The following NTM variants were observed in gnomAD, a reference collection of about 807,000 sequenced individuals.
The protein encoded by NTM is IgLON family member 2.
A neutral mutation model predicts 42.1 loss-of-function variants in NTM; 13 were observed. That is an observed-to-expected ratio of 0.31 (90% CI 0.20 to 0.49). The LOEUF is 0.49. Ranked by LOEUF, NTM falls within the 20% of genes least tolerant of loss-of-function variation. The pLI, the probability that NTM is intolerant of heterozygous loss-of-function variation, is 0.99. For synonymous variants in NTM, 187 were observed against 179.2 expected (o/e 1.04, Z -0.35); for missense variants, 373 against 452.8 (o/e 0.82, Z 1.60).
intron 1 of NTM, among the ~76,000 whole-genome samples, chr11:131,499,951 TG>T (rs1304790782): frequency 2.0e-5 from 3 of 152,232 alleles, no homozygotes; most frequent in African/African-American, 7.2e-5. Context: ...AGAAAACCCC[TG>T]GGTGATGTGT....
intron 1 of NTM, among the ~76,000 whole-genome samples, chr11:131,869,640 T>C (rs984555772): frequency 6.6e-6 from 1 of 152,242 alleles, no homozygotes; most frequent in African/African-American, 2.4e-5. Flanking sequence ...AGGAGGATGA[T>C]AGACTTTTAG....
intron 3 of NTM, among the ~76,000 whole-genome samples, chr11:132,161,052 G>T (rs1446168263): frequency 6.6e-6 from 1 of 152,182 alleles, no homozygotes; most frequent in Non-Finnish European, 1.5e-5. Flanking sequence ...TGACAAGAGG[G>T]TATCTGGGAG....
At chr11:131,763,654 C>A (rs1388647423) in intron 1 of NTM, among the ~76,000 whole-genome samples, 2 of 148,064 alleles carry the variant, frequency 1.4e-5, no homozygotes, top group African/African-American at 2.5e-5. Flanking sequence ...CCCCAGGGAT[C>A]CTCATTCCCA....
intron 1 of NTM, among the ~76,000 whole-genome samples, chr11:131,773,299 G>A (rs572251303): frequency 3.9e-5 from 6 of 152,284 alleles, no homozygotes; most frequent in Non-Finnish European, 4.4e-5. Flanking sequence ...TGGAGCCCTC[G>A]TGAACTAATC....
intron 1 of NTM, among the ~76,000 whole-genome samples, chr11:131,691,202 CG>C (rs1056787791): frequency 2.6e-5 from 4 of 152,198 alleles, no homozygotes; most frequent in African/African-American, 4.8e-5. Context: ...GCCTACGGCC[CG>C]TCCCCCCGCA....
chr11:132,016,682 T>C (rs1209725031), intron 2 of NTM, among the ~76,000 whole-genome samples: 1 of 151,976 alleles, frequency 6.6e-6, no homozygotes, highest in African/African-American at 2.4e-5. Context: ...TGCTAGGTCA[T>C]ATATTAAGTT....
chr11:132,134,257 G>A (rs2067334923), intron 2 of NTM, among the ~76,000 whole-genome samples: 1 of 152,070 alleles, frequency 6.6e-6, no homozygotes. Context: ...TTTCTTCCTA[G>A]GGGGAACACC....
At chr11:131,938,914 A>C (rs1048024217) in intron 2 of NTM, among the ~76,000 whole-genome samples, 10 of 152,148 alleles carry the variant, frequency 6.6e-5, no homozygotes, top group African/African-American at 2.4e-4. Context: ...CTGGTGGAGT[A>C]GGTGGGAAGG....
At chr11:132,144,343 G>T (rs2069857220) in intron 2 of NTM, among the ~76,000 whole-genome samples, 1 of 152,150 alleles carries the variant, frequency 6.6e-6, no homozygotes, top group Non-Finnish European at 1.5e-5. Flanking sequence ...ATCCCCAGGG[G>T]GCTCATGTGC....
chr11:131,515,998 C>T (rs116751842), intron 1 of NTM, among the ~76,000 whole-genome samples: 1,668 of 152,288 alleles, frequency 0.011, 8 homozygotes, highest in Middle Eastern at 0.031. Flanking sequence ...AAACAACTTG[C>T]TAAACTTTGT....
intron 1 of NTM, among the ~76,000 whole-genome samples, chr11:131,500,552 T>TACAC (rs1353089886): frequency 4.1e-4 from 28 of 68,598 alleles, no homozygotes; most frequent in Non-Finnish European, 6.0e-4. Context: ...TATATATATA[T>TACAC]ATATATATAT....
chr11:132,086,634 G>A (rs969137266), intron 2 of NTM, among the ~76,000 whole-genome samples: 1 of 152,182 alleles, frequency 6.6e-6, no homozygotes, highest in Non-Finnish European at 1.5e-5. Context: ...AAGCACACCA[G>A]ATTAGCTACA....
intron 2 of NTM, among the ~76,000 whole-genome samples, chr11:132,144,901 C>A (rs2070030911): frequency 6.6e-6 from 1 of 152,306 alleles, no homozygotes; most frequent in East Asian, 1.9e-4. Context: ...CCCTGTGCAC[C>A]TAAGTGATCC....
In NTM at chr11:132,146,402, G is replaced by A. The variant is rs190818488; in HGVS notation, c.288G>A (p.Thr96=). 427 of 1,614,170 alleles carry A rather than the reference G, an allele frequency of 2.6e-4. 2 individuals carry two copies. The Admixed American group carries it at 6.7e-3, about 25-fold the overall frequency. ...PRVVLLSNTQ[T]QYSIEIQNVD... Reference sequence around the variant, plus strand: ...TGGTCCTTCTGAGCAACACCCAAACGCAGTACAGCATCGAGATCCAGAACG... The same window carrying A: ...TGGTCCTTCTGAGCAACACCCAAACACAGTACAGCATCGAGATCCAGAACG... Residue 96 remains threonine (T), a synonymous_variant, in exon 3 of 9, where the codon ACG becomes ACA. Transcript: ENST00000683400. This position sits in a 1 kb window ranked among gnomAD's most constrained non-coding sequence, Gnocchi z 4.5.
At chr11:132,032,970 G>A (rs2076103901) in intron 2 of NTM, among the ~76,000 whole-genome samples, 1 of 152,164 alleles carries the variant, frequency 6.6e-6, no homozygotes, top group Non-Finnish European at 1.5e-5. Context: ...ACATTTTTGA[G>A]CTTGACAGAA....
chr11:132,205,075 A>G (rs1205152181), intron 3 of NTM, among the ~76,000 whole-genome samples: 1 of 152,200 alleles, frequency 6.6e-6, no homozygotes, highest in Non-Finnish European at 1.5e-5. Flanking sequence ...AAAGGTCCCT[A>G]AAGAGGCCTT....
At chr11:131,792,620 C>T (rs2091087562) in intron 1 of NTM, among the ~76,000 whole-genome samples, 1 of 152,168 alleles carries the variant, frequency 6.6e-6, no homozygotes, top group African/African-American at 2.4e-5. Context: ...TGGCCACCAC[C>T]CCCAACCTCA....
chr11:131,927,759 A>G (rs1434326708), intron 2 of NTM, among the ~76,000 whole-genome samples: 4 of 152,376 alleles, frequency 2.6e-5, no homozygotes, highest in South Asian at 2.1e-4. Flanking sequence ...TTACAGAGAC[A>G]TAAAATCACA....
At chr11:131,819,516 G>A (rs1484920547) in intron 1 of NTM, among the ~76,000 whole-genome samples, 1 of 152,146 alleles carries the variant, frequency 6.6e-6, no homozygotes, top group Non-Finnish European at 1.5e-5. Context: ...TAGCAAGAGA[G>A]ACATACATAA....
Sources: allele counts gnomAD v4.1 joint callset (sites outside exome capture counted in the v4.1 genomes callset), GRCh38; gene constraint gnomAD v4.1.1; non-coding constraint Gnocchi (gnomAD v3.1); transcripts MANE v1.5; gene names NCBI Gene and HGNC (gene_info 2026-07-23, HGNC 2026-07-21).